The following MAGI2 variants were observed in gnomAD, a reference collection of about 807,000 sequenced individuals.
The protein encoded by MAGI2 is membrane associated guanylate kinase, WW and PDZ domain containing 2.
Under a neutral mutation model 133.3 loss-of-function variants are expected in MAGI2, and 35 were observed. That is an observed-to-expected ratio of 0.26 (90% CI 0.20 to 0.35). MAGI2 has a LOEUF of 0.35. MAGI2 is among the 10% of genes least tolerant of loss of function. MAGI2 has a pLI of 1.00. For synonymous variants in MAGI2, 729 were observed against 710.6 expected (o/e 1.03, Z -0.41); for missense variants, 1,636 against 1,863.4 (o/e 0.88, Z 2.25).
At chr7:78,822,981 T>C (rs1451764704) in intron 2 of MAGI2, among the ~76,000 whole-genome samples, 2 of 152,214 alleles carry the variant, frequency 1.3e-5, no homozygotes, top group Non-Finnish European at 2.9e-5. Context: ...AATAACTTAC[T>C]GAAGAGCCAT....
chr7:78,312,770 T>C (rs1798818767), intron 9 of MAGI2, among the ~76,000 whole-genome samples: 1 of 151,922 alleles, frequency 6.6e-6, no homozygotes, highest in Admixed American at 6.6e-5. Flanking sequence ...CGCCATTCCA[T>C]CCAGCAATCC....
chr7:78,619,005 TAAAAAAAAAAA>T (rs58783152), intron 3 of MAGI2: 2 of 50,376 alleles, frequency 4.0e-5, no homozygotes, highest in East Asian at 1.9e-3. Flanking sequence ...CCAAAATCGC[TAAAAAAAAAAA>T]AAAAAAAAAA....
intron 2 of MAGI2, among the ~76,000 whole-genome samples, chr7:78,920,702 A>T (rs1465009197): frequency 6.6e-6 from 1 of 152,090 alleles, no homozygotes; most frequent in East Asian, 1.9e-4. Context: ...TCCTCTTCTA[A>T]GCAAATCTCA....
chr7:78,074,321 G>C (rs118151472), intron 21 of MAGI2, among the ~76,000 whole-genome samples: 3 of 151,948 alleles, frequency 2.0e-5, no homozygotes, highest in Admixed American at 1.3e-4. Context: ...CTTATCTCTC[G>C]GTCACAGATC....
intron 2 of MAGI2, among the ~76,000 whole-genome samples, chr7:78,733,456 T>C (rs1821560676): frequency 1.3e-5 from 2 of 152,196 alleles, no homozygotes; most frequent in African/African-American, 4.8e-5. Flanking sequence ...CACTTAGCCA[T>C]AATTGCTTCA....
At chr7:78,565,713 T>C (rs999196961) in intron 3 of MAGI2, among the ~76,000 whole-genome samples, 3 of 152,220 alleles carry the variant, frequency 2.0e-5, no homozygotes, top group Non-Finnish European at 4.4e-5. Flanking sequence ...TTTCAGCTCA[T>C]GGCACGACTA....
Position 78,885,619 on chromosome 7 carries a change from G to C in MAGI2, c.418+121471C>G, listed in dbSNP as rs1796202546. ...AGAGGGCAACTGAGCATCCTTTATT[G>C]AAAGGAATAGTGTGTGTGTGTGTGT... On this transcript the variant is annotated intron_variant, in intron 2 of 21. Coordinates refer to ENST00000354212, the MANE Select transcript of MAGI2 (RefSeq NM_012301.4). 2.9e-5 allele frequency among the ~76,000 whole-genome samples: 4 copies of C among 139,940 alleles called. No individual in the cohort carries two copies. The South Asian group carries it at 1.1e-3, about 38-fold the overall frequency. 91.8% of individuals were successfully genotyped at this position (139,940 alleles called of 152,430 possible).
chr7:79,071,828 C>G (rs1584857572), intron 1 of MAGI2, among the ~76,000 whole-genome samples: 1 of 152,206 alleles, frequency 6.6e-6, no homozygotes, highest in Middle Eastern at 3.4e-3. Flanking sequence ...TTGGAGCCTC[C>G]CAGTTCAACT....
rs71531163 is a variant in MAGI2, at chr7:79,214,360, CCTCTCTCTCTCT to C, written c.302-207166_302-207155del. Among the ~76,000 whole-genome samples, 205 of 27,508 alleles carry C rather than the reference CCTCTCTCTCTCT, an allele frequency of 7.5e-3. 1 individual carries two copies. The highest frequency in any genetic ancestry group is 0.017 in the African/African-American group (116 of 6,782). The allele number at this position is 27,508 out of a possible 152,430, so 18.0% of individuals were successfully genotyped here. A position where few individuals can be genotyped will look rare whatever the true frequency, so the allele number is the denominator to read the frequency against. ...GGACATGTCATTTCTGCATTACGCACCTCTCTCTCTCTCTCTCTCTCTCTCTCTCTCTCTCTC... is the reference window on the plus strand; with the variant it reads ...GGACATGTCATTTCTGCATTACGCACCTCTCTCTCTCTCTCTCTCTCTCTC... On this transcript the variant is annotated intron_variant, in intron 1 of 21. Coordinates refer to ENST00000354212, the MANE Select transcript of MAGI2 (RefSeq NM_012301.4).
chr7:78,749,494 T>C (rs574072542), intron 2 of MAGI2, among the ~76,000 whole-genome samples: 1 of 152,118 alleles, frequency 6.6e-6, no homozygotes, highest in Non-Finnish European at 1.5e-5. Context: ...TGGTTTCCAT[T>C]AGAAATAAGG....
At chr7:78,713,542 T>G (rs544717098) in intron 2 of MAGI2, among the ~76,000 whole-genome samples, 2 of 152,230 alleles carry the variant, frequency 1.3e-5, no homozygotes, top group South Asian at 4.1e-4. Flanking sequence ...TTACAGAATC[T>G]CTATACATCA....
chr7:78,558,837 G>GTTT (rs10691115), intron 3 of MAGI2, among the ~76,000 whole-genome samples: 29 of 130,014 alleles, frequency 2.2e-4, no homozygotes, highest in African/African-American at 3.2e-4. Context: ...TTGAGACACC[G>GTTT]TTTTTTTTTT....
intron 9 of MAGI2, among the ~76,000 whole-genome samples, chr7:78,278,209 G>A (rs1264470393): frequency 6.6e-6 from 1 of 152,068 alleles, no homozygotes; most frequent in Non-Finnish European, 1.5e-5. Context: ...GCATTCTAAG[G>A]TTTTTCAGTG....
intron 10 of MAGI2, among the ~76,000 whole-genome samples, chr7:78,246,544 G>A (rs935279780): frequency 6.6e-6 from 1 of 152,070 alleles, no homozygotes; most frequent in Non-Finnish European, 1.5e-5. Context: ...CTTAGAGTCT[G>A]AGCTGCTGAG....
In MAGI2 at chr7:78,227,850, T is replaced by TTGTGTG. The variant is rs3085614; in HGVS notation, c.2048-26663_2048-26658dup. Among the ~76,000 whole-genome samples, 1,366 of 145,608 alleles carry TTGTGTG rather than the reference T, an allele frequency of 9.4e-3. 12 individuals carry two copies. Among genetic ancestry groups the TTGTGTG allele is most frequent in the Middle Eastern group, 0.018 (5 of 282 alleles). ...AATACCATACTGCCTTCTTACTCAG[T>TTGTGTG]TGTGTGTGTGTGTGTGTGTGTGTGT... On this transcript the variant is annotated intron_variant, in intron 10 of 21. Transcript: ENST00000354212.
intron 1 of MAGI2, among the ~76,000 whole-genome samples, chr7:79,304,030 G>C (rs1470955527): frequency 6.6e-6 from 1 of 152,110 alleles, no homozygotes; most frequent in Non-Finnish European, 1.5e-5. Flanking sequence ...AGATGAGGAG[G>C]CTGAGAGAGG....
intron 3 of MAGI2, among the ~76,000 whole-genome samples, chr7:78,546,935 T>C (rs1353838557): frequency 6.6e-6 from 1 of 152,196 alleles, no homozygotes; most frequent in Non-Finnish European, 1.5e-5. Context: ...AAGCAACTAG[T>C]AAATACTATT....
At chr7:78,445,617 C>T (rs1788055229) in intron 6 of MAGI2, among the ~76,000 whole-genome samples, 1 of 151,988 alleles carries the variant, frequency 6.6e-6, no homozygotes, top group African/African-American at 2.4e-5. Flanking sequence ...TTTAGGTTCA[C>T]CTGGCACTTA....
intron 1 of MAGI2, among the ~76,000 whole-genome samples, chr7:79,262,105 C>G (rs547464023): frequency 6.6e-6 from 1 of 152,164 alleles, no homozygotes; most frequent in Non-Finnish European, 1.5e-5. Context: ...CCTTAAAAAA[C>G]CCCTGCTTTA....
Sources: allele counts gnomAD v4.1 joint callset (sites outside exome capture counted in the v4.1 genomes callset), GRCh38; gene constraint gnomAD v4.1.1; transcripts MANE v1.5; gene names NCBI Gene and HGNC (gene_info 2026-07-23, HGNC 2026-07-21).